The following MRPS27 variants were observed in gnomAD, a reference collection of about 807,000 sequenced individuals.
The protein encoded by MRPS27 is mitochondrial ribosomal protein S27, also known as small ribosomal subunit protein mS27.
A neutral mutation model predicts 48.9 loss-of-function variants in MRPS27; 43 were observed. The ratio of observed to expected loss-of-function variants is 0.88; its 90% CI spans 0.69 to 1.13. The LOEUF is 1.13. Ranked by LOEUF, MRPS27 falls within the 50% of genes most tolerant of loss-of-function variation. The pLI is 0.00. For synonymous variants in MRPS27, 188 were observed against 171.9 expected (o/e 1.09, Z -0.73); for missense variants, 467 against 476.3 (o/e 0.98, Z 0.18).
intron 4 of MRPS27, among the ~76,000 whole-genome samples, chr5:72,242,661 C>G (rs1475708137): frequency 8.3e-6 from 1 of 120,782 alleles, no homozygotes; most frequent in South Asian, 3.0e-4. Flanking sequence ...AGCGAGACCC[C>G]GTCTACACAC....
intron 4 of MRPS27, among the ~76,000 whole-genome samples, chr5:72,258,632 G>T (rs911462430): frequency 6.6e-6 from 1 of 152,110 alleles, no homozygotes; most frequent in Non-Finnish European, 1.5e-5. Context: ...ACTCTGCCAT[G>T]TGAAGAAGAG....
chr5:72,225,918 AT>A, intron 9 of MRPS27, 138 bp downstream of exon 9: 1 of 958,102 alleles, frequency 1.0e-6, no homozygotes, highest in Non-Finnish European at 1.4e-6. Context: ...GTGGTTTTGC[AT>A]TTTTTCGACT....
At chr5:72,290,837 C>T (rs970513224) in intron 4 of MRPS27, among the ~76,000 whole-genome samples, 1 of 152,018 alleles carries the variant, frequency 6.6e-6, no homozygotes, top group Non-Finnish European at 1.5e-5. Flanking sequence ...CTTTTTATGC[C>T]CACTGAACAG....
intron 4 of MRPS27, among the ~76,000 whole-genome samples, chr5:72,245,855 G>A (rs1482090839): frequency 1.3e-5 from 2 of 152,174 alleles, no homozygotes; most frequent in African/African-American, 4.8e-5. Flanking sequence ...GATTTCTTAA[G>A]AATTAGATTT....
At position 72,237,759 on chromosome 5, in the gene MRPS27, A is replaced by C. The variant is rs1748237583; in HGVS notation, c.396+255T>G. ...AGCAACCGAGAATGAAATGACCACC[A>C]CTGCAGAGTTCTTCCTTTTGCTTAT... is the stretch of plus-strand genomic sequence containing the variant. On this transcript the variant is annotated intron_variant, in intron 5 of 10. Transcript: ENST00000261413. 2.6e-5 allele frequency among the ~76,000 whole-genome samples: 4 copies of C among 152,154 alleles called. No homozygotes were observed. The South Asian group carries it at 8.3e-4, about 32-fold the overall frequency.
At chr5:72,282,693 T>G (rs1749560920) in intron 4 of MRPS27, among the ~76,000 whole-genome samples, 1 of 152,172 alleles carries the variant, frequency 6.6e-6, no homozygotes, top group African/African-American at 2.4e-5. Context: ...ATCAAAAACA[T>G]GTGGTTTGTG....
At chr5:72,231,552 A>G (rs1748065966) in intron 7 of MRPS27, among the ~76,000 whole-genome samples, 1 of 152,198 alleles carries the variant, frequency 6.6e-6, no homozygotes, top group African/African-American at 2.4e-5. Context: ...CATAACTAGC[A>G]CTTGCCAATG....
intron 7 of MRPS27, among the ~76,000 whole-genome samples, chr5:72,231,971 A>G (rs1748074627): frequency 1.3e-5 from 2 of 152,202 alleles, no homozygotes; most frequent in Non-Finnish European, 2.9e-5. Flanking sequence ...TTCTTAGGAC[A>G]ACAATAAGCA....
intron 4 of MRPS27, among the ~76,000 whole-genome samples, chr5:72,276,079 A>G (rs1429711641): frequency 6.6e-6 from 1 of 152,018 alleles, no homozygotes; most frequent in Non-Finnish European, 1.5e-5. Context: ...AGATTATTTG[A>G]AGAGAAACCT....
intron 4 of MRPS27, among the ~76,000 whole-genome samples, chr5:72,244,206 G>T (rs1241575051): frequency 6.6e-6 from 1 of 152,094 alleles, no homozygotes; most frequent in Non-Finnish European, 1.5e-5. Context: ...TAAAAAGGGT[G>T]ATGAGTAAGT....
intron 7 of MRPS27, chr5:72,229,510 T>C (rs1747995313): frequency 6.6e-6 from 1 of 152,062 alleles, no homozygotes; most frequent in South Asian, 2.1e-4. Context: ...GAAGTTTGAT[T>C]TTCCCCACCT....
chr5:72,298,593 C>CTT (rs1750041659), intron 2 of MRPS27, among the ~76,000 whole-genome samples: 1 of 151,734 alleles, frequency 6.6e-6, no homozygotes, highest in African/African-American at 2.4e-5. Flanking sequence ...GTAGTCCCAG[C>CTT]TACTGGGGAG....
chr5:72,250,272 T>C (rs1748630652), intron 4 of MRPS27, among the ~76,000 whole-genome samples: 2 of 152,230 alleles, frequency 1.3e-5, no homozygotes, highest in Admixed American at 1.3e-4. Flanking sequence ...TCTCTCACTT[T>C]CTAGAACAAG....
At chr5:72,235,438 T>C (rs905199931) in intron 5 of MRPS27, among the ~76,000 whole-genome samples, 6 of 152,150 alleles carry the variant, frequency 3.9e-5, no homozygotes, top group South Asian at 2.1e-4. Context: ...CATGTCATTA[T>C]ACATTTGTCC....
chr5:72,307,240 T>G (rs989719670), intron 2 of MRPS27, among the ~76,000 whole-genome samples: 2 of 152,046 alleles, frequency 1.3e-5, no homozygotes, highest in African/African-American at 4.8e-5. Flanking sequence ...TAATCCCAGC[T>G]TCTCGGGAGG....
chr5:72,238,377 CAG>C (rs1409530868), intron 4 of MRPS27, among the ~76,000 whole-genome samples: 24 of 152,292 alleles, frequency 1.6e-4, no homozygotes, highest in Non-Finnish European at 3.1e-4. Context: ...CTTACTTCAA[CAG>C]TTCATTTTAA....
intron 4 of MRPS27, among the ~76,000 whole-genome samples, chr5:72,256,902 A>G (rs77737131): frequency 0.06 from 9,116 of 152,248 alleles, 871 homozygotes; most frequent in African/African-American, 0.21. Context: ...CTATTCTTGT[A>G]AGATGCCGTG....
At chr5:72,233,570 T>C (rs1400218638) in intron 6 of MRPS27, among the ~76,000 whole-genome samples, 2 of 152,290 alleles carry the variant, frequency 1.3e-5, no homozygotes, top group East Asian at 3.9e-4. Flanking sequence ...CATGTCATGG[T>C]TCTGAATGAG....
chr5:72,312,511 T>G (rs1750466583), intron 2 of MRPS27, among the ~76,000 whole-genome samples: 1 of 152,228 alleles, frequency 6.6e-6, no homozygotes, highest in Non-Finnish European at 1.5e-5. Context: ...CCTGCTTCAT[T>G]GTTTCTTACT....
Sources: gnomAD v4.1 joint callset for allele counts (sites outside exome capture counted in the v4.1 genomes callset) on GRCh38, gnomAD v4.1.1 for gene constraint, MANE v1.5 for transcripts, NCBI Gene and HGNC (gene_info 2026-07-23, HGNC 2026-07-21) for gene names.